CCHCR1: variants seen among roughly 807,000 people sequenced by gnomAD.
CCHCR1 encodes the protein HCR (a-helix coiled-coil rod homologue).
In CCHCR1, 91 loss-of-function variants were observed where a neutral mutation model predicts 114.6. The ratio of observed to expected loss-of-function variants is 0.79; its 90% CI spans 0.67 to 0.94. The LOEUF (loss-of-function observed/expected upper bound fraction) is 0.94, where lower values mean the gene tolerates loss of function less well. Among genes scored for constraint, CCHCR1 ranks in the 40% least tolerant of loss-of-function variants. The pLI, the probability that CCHCR1 is intolerant of heterozygous loss-of-function variation, is 0.00. For synonymous variants in CCHCR1, 379 were observed against 428.5 expected, an observed-to-expected ratio of 0.88 and a Z score of 1.43; for missense variants, 899 against 1,079.9, an observed-to-expected ratio of 0.83 and a Z score of 2.35.
rs150008500 is a variant in CCHCR1, at chr6:31,156,765, A to G, written c.463T>C (p.Ser155Pro). The G allele has an allele frequency of 3.7e-6, 6 of 1,612,586 alleles. No individual in the cohort carries two copies. Among genetic ancestry groups the G allele is most frequent in the Non-Finnish European group, 4.2e-6 (5 of 1,179,960 alleles). The change falls in exon 3 of 18, where the codon TCC becomes CCC. Residue 155 changes from serine (S) to proline (P), a missense_variant. Coordinates refer to ENST00000396268, the MANE Select transcript of CCHCR1 (RefSeq NM_001105564.2). ...PQVTMWERDV[S>P]SDRQEPGRRG... is the part of the protein sequence containing the mutation. ...CGCCCTGGCTCCTGCCTGTCACTGG[A>G]AACATCCCGTTCCCACATGGTCACT...
Position 31,142,697 on chromosome 6 carries a change from G to C in CCHCR1, c.2511C>G (p.Leu837=), listed in dbSNP as rs772637384. ...ESIKGSLSVL[L]DDLQDLSEAI... Reference sequence around the variant, plus strand: ...CTTCACTCAGGTCCTGCAGGTCATCGAGCAGGACAGAGAGGGACCCTGGGA... The same window carrying C: ...CTTCACTCAGGTCCTGCAGGTCATCCAGCAGGACAGAGAGGGACCCTGGGA... The change falls in exon 18 of 18, where the codon CTC becomes CTG. Residue 837 remains leucine (L), a synonymous_variant. Transcript: ENST00000396268. The C allele has an allele frequency of 6.2e-7, 1 of 1,611,624 alleles. No homozygotes were observed. The highest frequency in any genetic ancestry group is 1.3e-5 in the African/African-American group (1 of 74,928).
In CCHCR1 at chr6:31,148,142, T is replaced by C. The variant is rs114166691; in HGVS notation, c.1580+263A>G. The stretch of plus-strand genomic sequence containing the variant: ...TATTTAGCTCAAGCCATTACTAGAC[T>C]GAACTGCAGGAGGAAGCAAGGCCTC... On this transcript the variant is annotated intron_variant, in intron 10 of 17. Transcript: ENST00000396268. Among the ~76,000 whole-genome samples the C allele has an allele frequency of 6.9e-3, 1,050 of 152,272 alleles. 15 individuals are homozygous for C. Among genetic ancestry groups the C allele is most frequent in the African/African-American group, 0.022 (914 of 41,540 alleles).
rs1214775970 is a variant in CCHCR1, at chr6:31,144,198, A to G, written c.2167+489T>C. Among the ~76,000 whole-genome samples the G allele has an allele frequency of 6.6e-6, 1 of 152,184 alleles. No homozygotes were observed. The highest frequency in any genetic ancestry group is 1.5e-5 in the Non-Finnish European group (1 of 68,038). ...TAGTTAGAGAAGATACATTCATTAC[A>G]CAATTCTTTTTTTGACACATGGTCT... On this transcript the variant is annotated intron_variant, in intron 15 of 17. Coordinates refer to ENST00000396268, the MANE Select transcript of CCHCR1 (RefSeq NM_001105564.2). The surrounding 1 kb of genome is among the most constrained non-coding windows in gnomAD (Gnocchi z 4.6).
chr6:31,142,843 TAA>T, intron 17 of CCHCR1, 118 bp downstream of exon 17: 1 of 1,489,126 alleles, frequency 6.7e-7, no homozygotes, highest in African/African-American at 1.4e-5. Context: ...TGGGCATCGC[TAA>T]AAGAGGCTAA....
At position 31,150,485 on chromosome 6, in the gene CCHCR1, G is replaced by C. The variant is rs369682563; in HGVS notation, c.1182C>G (p.Leu394=). 5 of 1,612,560 alleles carry C rather than the reference G, an allele frequency of 3.1e-6. No individual in the cohort carries two copies. In the East Asian group the frequency reaches 8.9e-5, roughly 29 times the overall value. ...TGGTCAGCTCCTCCTCCTGCAGGGCGAGGATGTGTGTGAGGCTCTGCACCC... is the reference window on the plus strand; with the variant it reads ...TGGTCAGCTCCTCCTCCTGCAGGGCCAGGATGTGTGTGAGGCTCTGCACCC... ...QVRVQSLTHI[L]ALQEEELTRK... The change falls in exon 7 of 18, where the codon CTC becomes CTG. Residue 394 remains leucine (L), a synonymous_variant. Coordinates refer to ENST00000396268, the MANE Select transcript of CCHCR1 (RefSeq NM_001105564.2). The surrounding 1 kb of genome is among the most constrained non-coding windows in gnomAD (Gnocchi z 5.3).
Position 31,157,713 on chromosome 6 carries a change from C to G in CCHCR1, c.-113G>C. ...ATCTTTCCTGCGGCTGTTCTCTCAG[C>G]TTCTCTCTACTATCCCCTTAGCTTC... On this transcript the variant is annotated 5_prime_UTR_variant, in exon 1 of 18. Transcript: ENST00000396268. The G allele has an allele frequency of 1.3e-6, 1 of 797,160 alleles. No homozygotes were observed. The highest frequency in any genetic ancestry group is 2.0e-6 in the Non-Finnish European group (1 of 502,912). 49.4% of individuals were successfully genotyped at this position (797,160 alleles called of 1,614,324 possible).
Position 31,150,335 on chromosome 6 carries a change from A to G in CCHCR1, c.1212+120T>C. The stretch of plus-strand genomic sequence containing the variant: ...ATGAGCTACAGCAAGAGGAGTTCAC[A>G]GGAAGGAGATCTAAGCAGGTTCTGG... On this transcript the variant is annotated intron_variant, in intron 7 of 17. Transcript: ENST00000396268. This position sits in a 1 kb window ranked among gnomAD's most constrained non-coding sequence, Gnocchi z 5.3. 2 of 1,361,754 alleles carry G rather than the reference A, an allele frequency of 1.5e-6. No individual in the cohort carries two copies. Among genetic ancestry groups the G allele is most frequent in the Non-Finnish European group, 2.1e-6 (2 of 971,014 alleles). The allele number at this position is 1,361,754 out of a possible 1,614,324, so 84.4% of individuals were successfully genotyped here.
chr6:31,145,383 G>C, intron 12 of CCHCR1, 65 bp downstream of exon 12: 1 of 1,612,280 alleles, frequency 6.2e-7, no homozygotes, highest in Non-Finnish European at 8.5e-7. Context: ...CAGTCCTCAT[G>C]GTTTTGGGGG....
chr6:31,145,803 T>G lies in CCHCR1; in HGVS notation c.1586A>C (p.Gln529Pro). 6.2e-7 allele frequency: 1 copy of G among 1,608,562 alleles called. No individual in the cohort carries two copies. Among genetic ancestry groups the G allele is most frequent in the Non-Finnish European group, 8.5e-7 (1 of 1,175,938 alleles). Reference sequence around the variant, plus strand: ...AGCCATGGTGGTCTCGAGCCAGATCTGAGAGCTGGAGAGGGCACAAGTCAC... The same window carrying G: ...AGCCATGGTGGTCTCGAGCCAGATCGGAGAGCTGGAGAGGGCACAAGTCAC... ...RLVVNAVSSSQIWLETTMAKV... is the reference protein window; with the variant it reads ...RLVVNAVSSSPIWLETTMAKV... Residue 529 changes from glutamine to proline, a missense_variant, in exon 11 of 18, where the codon CAG (glutamine) becomes CCG (proline). Gln to Pro is a moderately conservative substitution (Grantham distance 76, BLOSUM62 -1). Coordinates refer to ENST00000396268, the MANE Select transcript of CCHCR1 (RefSeq NM_001105564.2).
chr6:31,147,939 T>C (rs1236086436), intron 10 of CCHCR1, among the ~76,000 whole-genome samples: 1 of 152,010 alleles, frequency 6.6e-6, no homozygotes, highest in Non-Finnish European at 1.5e-5. Flanking sequence ...GATTGCGCCA[T>C]TGCACTCCAG....
chr6:31,144,565 C>G lies in CCHCR1; in HGVS notation c.2167+122G>C. 1 of 687,528 alleles carries G rather than the reference C, an allele frequency of 1.5e-6. No individual in the cohort carries two copies. The highest frequency in any genetic ancestry group is 2.5e-5 in the East Asian group (1 of 40,058). The allele number at this position is 687,528 out of a possible 1,614,324, so 42.6% of individuals were successfully genotyped here. On this transcript the variant is annotated intron_variant, in intron 15 of 17. Transcript: ENST00000396268. This position sits in a 1 kb window ranked among gnomAD's most constrained non-coding sequence, Gnocchi z 4.6. ...GATGTGATAATTCATCTGTGCTACT[C>G]CTGGATACCTTCATTACTTCCTGTA...
Position 31,151,090 on chromosome 6 carries a change from A to G in CCHCR1, c.834T>C (p.Ala278=). The G allele has an allele frequency of 6.2e-7, 1 of 1,613,052 alleles. No homozygotes were observed. Among genetic ancestry groups the G allele is most frequent in the South Asian group, 1.1e-5 (1 of 91,068 alleles). Residue 278 remains alanine, a synonymous_variant, in exon 5 of 18, where the codon GCT becomes GCC. Coordinates refer to ENST00000396268, the MANE Select transcript of CCHCR1 (RefSeq NM_001105564.2). The surrounding 1 kb of genome is among the most constrained non-coding windows in gnomAD (Gnocchi z 4.1). Reference sequence around the variant, plus strand: ...CAGCCTTGCTGGTCAAACTGGAAAGAGCCTCCTCGTGAGCCTGTGTCAAAG... The same window carrying G: ...CAGCCTTGCTGGTCAAACTGGAAAGGGCCTCCTCGTGAGCCTGTGTCAAAG... ...LSSLTQAHEE[A]LSSLTSKAEG...
Position 31,145,676 on chromosome 6 carries a change from C to T in CCHCR1, c.1693+20G>A. The T allele has an allele frequency of 6.3e-7, 1 of 1,579,864 alleles. No homozygotes were observed. Among genetic ancestry groups the T allele is most frequent in the South Asian group, 1.1e-5 (1 of 90,430 alleles). ...CTGGTGGGGTGGGGGCAGGACGTGG[C>T]TCGCAGTTGTCCTACGCACCCCGAA... On this transcript the variant is annotated intron_variant, in intron 11 of 17. Transcript: ENST00000396268.
rs368174832 is a variant in CCHCR1 at position 31,142,687 on chromosome 6, G to C, written c.2521C>G (p.Gln841Glu). 4.3e-6 allele frequency: 7 copies of C among 1,612,512 alleles called. No individual in the cohort carries two copies. In the African/African-American group the frequency reaches 8.0e-5, roughly 18 times the overall value. Residue 841 changes from glutamine to glutamate, a missense_variant, in exon 18 of 18, where the codon CAG becomes GAG. By Grantham distance (29) the Gln-to-Glu change is conservative. Coordinates refer to ENST00000396268, the MANE Select transcript of CCHCR1 (RefSeq NM_001105564.2). ...TTGGAAATGGCTTCACTCAGGTCCT[G>C]CAGGTCATCGAGCAGGACAGAGAGG... is the stretch of plus-strand genomic sequence containing the variant. The part of the protein sequence containing the change: ...GSLSVLLDDL[Q>E]DLSEAISKEE...
Position 31,145,806 on chromosome 6 carries a change from G to C in CCHCR1, c.1583C>G (p.Ser528Cys). ...LRLVVNAVSSSQIWLETTMAK... is the reference protein window; with the variant it reads ...LRLVVNAVSSCQIWLETTMAK... ...CATGGTGGTCTCGAGCCAGATCTGA[G>C]AGCTGGAGAGGGCACAAGTCACTGA... Residue 528 changes from serine to cysteine, a missense_variant and splice_region_variant, in exon 11 of 18, where the codon TCT becomes TGT. Coordinates refer to ENST00000396268, the MANE Select transcript of CCHCR1 (RefSeq NM_001105564.2). 1 of 1,603,310 alleles carries C rather than the reference G, an allele frequency of 6.2e-7. No individual in the cohort carries two copies. The highest frequency in any genetic ancestry group is 2.2e-5 in the East Asian group (1 of 44,838).
intron 10 of CCHCR1, among the ~76,000 whole-genome samples, chr6:31,147,568 G>A (rs761683869): frequency 6.6e-5 from 10 of 152,144 alleles, no homozygotes; most frequent in Non-Finnish European, 1.2e-4. Context: ...TGGTAGGAGA[G>A]ACAAAGGCTG....
At chr6:31,142,816 G>A (rs1773727893) in intron 17 of CCHCR1, 100 bp from the exon 18 acceptor site, 3 of 1,526,232 alleles carry the variant, frequency 2.0e-6, no homozygotes, top group East Asian at 2.3e-5. Context: ...GGAGAGAGGA[G>A]GCTCTTTGGT....
rs371783586 is a variant in CCHCR1, at chr6:31,142,688, C to T, written c.2520G>A (p.Leu840=). Residue 840 remains leucine (L), a synonymous_variant, in exon 18 of 18, where the codon CTG becomes CTA. Coordinates refer to ENST00000396268, the MANE Select transcript of CCHCR1 (RefSeq NM_001105564.2). ...TGGAAATGGCTTCACTCAGGTCCTG[C>T]AGGTCATCGAGCAGGACAGAGAGGG... ...KGSLSVLLDD[L]QDLSEAISKE... 1 of 1,612,622 alleles carries T rather than the reference C, an allele frequency of 6.2e-7. No individual in the cohort carries two copies. Among genetic ancestry groups the T allele is most frequent in the Non-Finnish European group, 8.5e-7 (1 of 1,179,918 alleles).
In CCHCR1 at chr6:31,154,795, AGG is replaced by A; in HGVS notation, c.500_501del (p.Ser167LeufsTer14). ...AGGGCCTGTGACCCCTCCAGCCCCC[AGG>A]ACCTTCAAAGACAGGTTAGTGCAGG... Reference protein sequence around the residue: ...DRQEPGRRGRSWGLEGSQALS... With the variant: ...DRQEPGRRGRXWGLEGSQALS... On this transcript the variant is annotated frameshift_variant and splice_region_variant, in exon 4 of 18. Transcript: ENST00000396268. LOFTEE classifies it high-confidence loss of function. The surrounding 1 kb of genome is among the most constrained non-coding windows in gnomAD (Gnocchi z 4.1). 1 of 1,600,966 alleles carries A rather than the reference AGG, an allele frequency of 6.2e-7. No homozygotes were observed. The highest frequency in any genetic ancestry group is 8.5e-7 in the Non-Finnish European group (1 of 1,178,458).
Sources: gnomAD v4.1 joint callset for allele counts (sites outside exome capture counted in the v4.1 genomes callset) on GRCh38, gnomAD v4.1.1 for gene constraint, Gnocchi (gnomAD v3.1) non-coding constraint, MANE v1.5 for transcripts, NCBI Gene and HGNC (gene_info 2026-07-23, HGNC 2026-07-21) for gene names.